LIPI: variants seen among roughly 807,000 people sequenced by gnomAD.
LIPI encodes lipase member I.
A neutral mutation model predicts 50.6 loss-of-function variants in LIPI; 59 were observed. The ratio of observed to expected loss-of-function variants is 1.16; its 90% confidence interval spans 0.94 to 1.45. The LOEUF is 1.45. Ranked by LOEUF, LIPI falls within the 40% of genes most tolerant of loss-of-function variation. The pLI is 0.00. For synonymous variants in LIPI, 203 were observed against 178.2 expected (o/e 1.14, Z -1.11); for missense variants, 586 against 536.3 (o/e 1.09, Z -0.92).
intron 1 of LIPI, among the ~76,000 whole-genome samples, chr21:14,208,883 C>T (rs1201652976): frequency 2.6e-5 from 4 of 152,236 alleles, no homozygotes; most frequent in South Asian, 4.1e-4. Flanking sequence ...GAAACGCTGT[C>T]TCTCCAAAAA....
chr21:14,184,100 G>T (rs1245130017), intron 3 of LIPI, among the ~76,000 whole-genome samples: 1 of 152,154 alleles, frequency 6.6e-6, no homozygotes, highest in Admixed American at 6.5e-5. Flanking sequence ...CGATAGACCG[G>T]ATTAAGAAAA....
chr21:14,149,856 C>T (rs144591834), intron 8 of LIPI, among the ~76,000 whole-genome samples: 106 of 152,316 alleles, frequency 7.0e-4, no homozygotes, highest in Admixed American at 1.2e-3. Flanking sequence ...TTGCAGGGTA[C>T]GGCCCCTCTT....
intron 6 of LIPI, among the ~76,000 whole-genome samples, chr21:14,164,741 C>G (rs1468145383): frequency 6.6e-6 from 1 of 152,132 alleles, no homozygotes; most frequent in Non-Finnish European, 1.5e-5. Context: ...TACTTAACTG[C>G]TCTTAGCAGG....
chr21:14,187,148 C>T (rs1430829977), intron 2 of LIPI, among the ~76,000 whole-genome samples: 1 of 152,104 alleles, frequency 6.6e-6, no homozygotes, highest in African/African-American at 2.4e-5. Flanking sequence ...CCCTGATCAC[C>T]AGCTCAGGAG....
At chr21:14,157,655 C>T (rs1390246358) in intron 7 of LIPI, among the ~76,000 whole-genome samples, 1 of 151,852 alleles carries the variant, frequency 6.6e-6, no homozygotes, top group East Asian at 1.9e-4. Flanking sequence ...CAAACATATG[C>T]TACCATTTCT....
At chr21:14,130,820 A>T (rs79951608) in intron 9 of LIPI, among the ~76,000 whole-genome samples, 4,127 of 152,222 alleles carry the variant, frequency 0.027, 176 homozygotes, top group African/African-American at 0.091. Context: ...AGCCACCAGG[A>T]ACACCAACAT....
At chr21:14,129,105 T>C (rs1280878203) in intron 9 of LIPI, among the ~76,000 whole-genome samples, 1 of 152,090 alleles carries the variant, frequency 6.6e-6, no homozygotes, top group Admixed American at 6.5e-5. Context: ...ACAAGTATGT[T>C]TTATATAATT....
In LIPI at chr21:14,189,247, T is replaced by C; in HGVS notation, c.219A>G (p.Gln73=). 1 of 1,614,056 alleles carries C rather than the reference T, an allele frequency of 6.2e-7. No homozygotes were observed. Among genetic ancestry groups the C allele is most frequent in the Non-Finnish European group, 8.5e-7 (1 of 1,179,928 alleles). The change falls in exon 2 of 10, where the codon CAA becomes CAG. Residue 73 remains glutamine, a synonymous_variant. Transcript: ENST00000681601. Reference sequence around the variant, plus strand: ...CGTGAATAAGCCAGACTGTTTTCTTTTGTGTGTTGAAATTAACATTAAGTG... The same window carrying C: ...CGTGAATAAGCCAGACTGTTTTCTTCTGTGTGTTGAAATTAACATTAAGTG... The part of the protein sequence containing the change: ...NNSLNVNFNT[Q]KKTVWLIHGY...
At chr21:14,184,319 A>C (rs1392155080) in intron 3 of LIPI, among the ~76,000 whole-genome samples, 3 of 151,870 alleles carry the variant, frequency 2.0e-5, no homozygotes, top group African/African-American at 7.3e-5. Flanking sequence ...CACACTGGGG[A>C]CTGTTGTGGG....
At chr21:14,119,459 T>A (rs1051826250) in intron 9 of LIPI, among the ~76,000 whole-genome samples, 8 of 152,162 alleles carry the variant, frequency 5.3e-5, no homozygotes, top group Non-Finnish European at 8.8e-5. Context: ...AAGGAGACTG[T>A]CTGTAGCATT....
At chr21:14,162,052 T>C (rs910224038) in intron 7 of LIPI, among the ~76,000 whole-genome samples, 2 of 148,360 alleles carry the variant, frequency 1.3e-5, no homozygotes, top group African/African-American at 4.9e-5. Context: ...TAGGAACATA[T>C]CTCTACCCCT....
rs774639810 is a variant in LIPI at position 14,163,474 on chromosome 21, TCC to T, written c.949_950del (p.Gly317LysfsTer4). 6.3e-7 allele frequency: 1 copy of T among 1,591,252 alleles called. No individual in the cohort carries two copies. Among genetic ancestry groups the T allele is most frequent in the Admixed American group, 1.7e-5 (1 of 59,920 alleles). On this transcript the variant is annotated frameshift_variant, in exon 7 of 10. Coordinates refer to ENST00000681601, the MANE Select transcript of LIPI (RefSeq NM_001302998.2). LOFTEE classifies it high-confidence loss of function. ...AAAACACAGTGGTCCTAAGAGGTCT[TCC>T]TTCCATCCTTTCTTTTAAAACACCT... is the stretch of plus-strand genomic sequence containing the variant. ...FKGVLKERME[G>X]RPLRTTVFLD...
chr21:14,170,110 C>A (rs568693043), intron 4 of LIPI, among the ~76,000 whole-genome samples: 1 of 152,298 alleles, frequency 6.6e-6, no homozygotes, highest in East Asian at 1.9e-4. Context: ...ACTAGAAAAT[C>A]TAGAAGAAAT....
At chr21:14,128,411 A>G (rs1018299445) in intron 9 of LIPI, among the ~76,000 whole-genome samples, 23 of 152,080 alleles carry the variant, frequency 1.5e-4, no homozygotes, top group Admixed American at 1.2e-3. Context: ...AGTCATTGCA[A>G]AGGTGCTTCT....
At chr21:14,171,484 A>T (rs1332330723) in intron 4 of LIPI, among the ~76,000 whole-genome samples, 16 of 151,216 alleles carry the variant, frequency 1.1e-4, no homozygotes, top group African/African-American at 2.2e-4. Context: ...GGCTACAGTA[A>T]CCAAAACAGC....
At chr21:14,121,824 C>A (rs979846276) in intron 9 of LIPI, among the ~76,000 whole-genome samples, 2 of 152,166 alleles carry the variant, frequency 1.3e-5, no homozygotes, top group African/African-American at 4.8e-5. Flanking sequence ...TGCGGAGGAA[C>A]CAAGGCACAG....
intron 9 of LIPI, among the ~76,000 whole-genome samples, chr21:14,124,518 C>T (rs981687377): frequency 1.2e-4 from 19 of 152,144 alleles, no homozygotes; most frequent in Non-Finnish European, 2.9e-5. Context: ...CAGTGAGTTC[C>T]TGCTTCACCT....
chr21:14,127,467 A>T (rs2017110973), intron 9 of LIPI, among the ~76,000 whole-genome samples: 1 of 152,198 alleles, frequency 6.6e-6, no homozygotes, highest in South Asian at 2.1e-4. Flanking sequence ...TTGCATCCAG[A>T]TTTCATACAT....
At position 14,121,854 on chromosome 21, in the gene LIPI, TG is replaced by T. The variant is rs200701530; in HGVS notation, c.1296-12775del. On this transcript the variant is annotated intron_variant, in intron 9 of 9. Coordinates refer to ENST00000681601, the MANE Select transcript of LIPI (RefSeq NM_001302998.2). Reference sequence around the variant, plus strand: ...GCACAGCAGAAAAAGATGACTGCCCTGCCCCAACCACACCAGAGGCTGGTTG... The same window carrying T: ...GCACAGCAGAAAAAGATGACTGCCCTCCCCAACCACACCAGAGGCTGGTTG... 8.6e-3 allele frequency among the ~76,000 whole-genome samples: 1,302 copies of T among 152,276 alleles called. 31 individuals carry two copies. Among genetic ancestry groups the T allele is most frequent in the Non-Finnish European group, 0.012 (824 of 68,012 alleles).
Sources: gnomAD v4.1 joint callset for allele counts (sites outside exome capture counted in the v4.1 genomes callset) on GRCh38, gnomAD v4.1.1 for gene constraint, MANE v1.5 for transcripts, NCBI Gene and HGNC (gene_info 2026-07-23, HGNC 2026-07-21) for gene names.